The following DCAF4 variants were observed in gnomAD, a reference collection of about 807,000 sequenced individuals.
DCAF4 encodes the protein DDB1- and CUL4-associated factor 4.
A neutral mutation model predicts 60.9 loss-of-function variants in DCAF4; 37 were observed. The observed-to-expected ratio is 0.61, with a 90% CI of 0.47 to 0.80. DCAF4 has a LOEUF of 0.80. DCAF4 is among the 30% of genes least tolerant of loss of function. The pLI is 0.00. For missense variants in DCAF4, 577 were observed against 650.0 expected, an observed-to-expected ratio of 0.89 and a Z score of 1.22; for synonymous variants, 243 against 254.8, an observed-to-expected ratio of 0.95 and a Z score of 0.44.
chr14:72,961,809 G>A, downstream of DCAF4: 1 of 1,031,356 alleles, frequency 9.7e-7, no homozygotes, highest in Non-Finnish European at 1.2e-6. Flanking sequence ...GCCAAGAGGT[G>A]GACTGGAAGC....
chr14:72,947,335 A>AT (rs1378716659), intron 8 of DCAF4, 144 bp downstream of exon 8: 1 of 964,954 alleles, frequency 1.0e-6, no homozygotes, highest in African/African-American at 1.6e-5. Context: ...TAGAAAAAAA[A>AT]GCAGCGTACC....
chr14:72,927,695 C>G (rs1366109783), intron 1 of DCAF4, among the ~76,000 whole-genome samples: 1 of 152,032 alleles, frequency 6.6e-6, no homozygotes, highest in African/African-American at 2.4e-5. Context: ...GTCCTACCAA[C>G]AGAGGTGGAA....
At chr14:72,943,278 G>T (rs1890292245) in intron 6 of DCAF4, among the ~76,000 whole-genome samples, 182 bp downstream of exon 6, 1 of 152,222 alleles carries the variant, frequency 6.6e-6, no homozygotes, top group African/African-American at 2.4e-5. Context: ...ACGCTGAGCT[G>T]GCAGGCAGGC....
Position 72,955,517 on chromosome 14 carries a change from C to A in DCAF4, c.1006-6C>A. 6.2e-7 allele frequency: 1 copy of A among 1,612,790 alleles called. No individual in the cohort carries two copies. The highest frequency in any genetic ancestry group is 1.3e-5 in the African/African-American group (1 of 75,054). On this transcript the variant is annotated splice_region_variant and splice_polypyrimidine_tract_variant and intron_variant, in intron 11 of 13. Transcript: ENST00000358377. ...GCCAGGCACTGAGCAGTCCCTCTTT[C>A]CACAGGCTCCTCTGCTGTTTAATGG...
intron 1 of DCAF4, among the ~76,000 whole-genome samples, chr14:72,936,671 A>G (rs756310145): frequency 5.3e-5 from 8 of 152,140 alleles, no homozygotes; most frequent in Non-Finnish European, 1.0e-4. Context: ...GTTAGAGAGA[A>G]ATCATGAACT....
chr14:72,928,090 C>T (rs1056890315), intron 1 of DCAF4, among the ~76,000 whole-genome samples: 3 of 151,360 alleles, frequency 2.0e-5, no homozygotes, highest in Non-Finnish European at 4.4e-5. Flanking sequence ...CGTGAGCCAC[C>T]GCCCTGGCCT....
rs985014637 is a variant in DCAF4 at position 72,959,558 on chromosome 14, T to C, written c.*753T>C. On this transcript the variant is annotated 3_prime_UTR_variant, in exon 14 of 14. Transcript: ENST00000358377. The stretch of plus-strand genomic sequence containing the variant: ...GCGTCAAAGGAAATTGGTTTTGACT[T>C]TTTGTAATCTAGGAGCGACAGTTCG... 1 of 985,528 alleles carries C rather than the reference T, an allele frequency of 1.0e-6. No homozygotes were observed. The highest frequency in any genetic ancestry group is 1.7e-5 in the African/African-American group (1 of 57,366). 61.0% of individuals were successfully genotyped at this position (985,528 alleles called of 1,614,324 possible). A position where few individuals can be genotyped will look rare whatever the true frequency, so the allele number is the denominator to read the frequency against.
Position 72,937,413 on chromosome 14 carries a change from T to TC in DCAF4, c.-8-558_-8-557insC, listed in dbSNP as rs1400593641. 6.6e-3 allele frequency among the ~76,000 whole-genome samples: 938 copies of TC among 142,266 alleles called. 7 individuals are homozygous for TC. The highest frequency in any genetic ancestry group is 0.011 in the Non-Finnish European group (716 of 64,932). The allele number at this position is 142,266 out of a possible 152,430, so 93.3% of individuals were successfully genotyped here. A position where few individuals can be genotyped will look rare whatever the true frequency, so the allele number is the denominator to read the frequency against. On this transcript the variant is annotated intron_variant, in intron 1 of 13. Coordinates refer to ENST00000358377, the MANE Select transcript of DCAF4 (RefSeq NM_015604.4). ...CATGCCTGGCAATTTTTCTTTTCTTTTTTTTTTTTTTTTTTTTGAGATGGT... is the reference window on the plus strand; with the variant it reads ...CATGCCTGGCAATTTTTCTTTTCTTTCTTTTTTTTTTTTTTTTTGAGATGGT...
At position 72,959,589 on chromosome 14, in the gene DCAF4, T is replaced by A; in HGVS notation, c.*784T>A. ...AATCTAGGAGCGACAGTTCGTGAGA[T>A]GTTTATTCAGTGTTAAAGAGCCTGT... On this transcript the variant is annotated 3_prime_UTR_variant, in exon 14 of 14. Transcript: ENST00000358377. The A allele has an allele frequency of 1.0e-6, 1 of 985,472 alleles. No homozygotes were observed. The highest frequency in any genetic ancestry group is 1.2e-6 in the Non-Finnish European group (1 of 829,934). The allele number at this position is 985,472 out of a possible 1,614,324, so 61.0% of individuals were successfully genotyped here. A position where few individuals can be genotyped will look rare whatever the true frequency, so the allele number is the denominator to read the frequency against.
intron 1 of DCAF4, among the ~76,000 whole-genome samples, chr14:72,936,125 C>CCCTT (rs1313712782): frequency 6.6e-6 from 1 of 152,154 alleles, no homozygotes; most frequent in African/African-American, 2.4e-5. Context: ...ACACGTGCTT[C>CCCTT]CCTTCCTGTG....
chr14:72,956,357 CCT>C (rs769785709), intron 12 of DCAF4, 27 bp from the exon 13 acceptor site: 87 of 1,557,764 alleles, frequency 5.6e-5, no homozygotes, highest in Non-Finnish European at 7.6e-5. Flanking sequence ...CTGGCCCCTC[CCT>C]GATGGCCCCT....
At chr14:72,945,080 C>T (rs1392425654) in intron 6 of DCAF4, among the ~76,000 whole-genome samples, 1 of 151,062 alleles carries the variant, frequency 6.6e-6, no homozygotes, top group Non-Finnish European at 1.5e-5. Flanking sequence ...CAGAGTAAGA[C>T]TCCCTCTCAA....
intron 1 of DCAF4, chr14:72,929,737 T>C: frequency 2.7e-6 from 3 of 1,127,256 alleles, no homozygotes; most frequent in Non-Finnish European, 4.1e-6. Context: ...CATTTCTCCT[T>C]GAAGACCTTC....
In DCAF4 at chr14:72,927,453, G is replaced by A. The variant is rs181483219; in HGVS notation, c.-9+910G>A. 4.1e-3 allele frequency among the ~76,000 whole-genome samples: 600 copies of A among 146,568 alleles called. 3 individuals are homozygous for A. Among genetic ancestry groups the A allele is most frequent in the African/African-American group, 0.014 (570 of 39,450 alleles). On this transcript the variant is annotated intron_variant, in intron 1 of 13. Coordinates refer to ENST00000358377, the MANE Select transcript of DCAF4 (RefSeq NM_015604.4). ...TGCAGCCTCCGCCCCCGGGGTTCAC[G>A]CCATTCTCCTGCCTCAGCTTCCCGC... is the stretch of plus-strand genomic sequence containing the variant.
At chr14:72,944,808 G>A (rs973695037) in intron 6 of DCAF4, among the ~76,000 whole-genome samples, 1 of 151,580 alleles carries the variant, frequency 6.6e-6, no homozygotes, top group African/African-American at 2.4e-5. Context: ...AAAAAATAGG[G>A]CCAGGTGTGG....
At chr14:72,929,920 C>G (rs1888311969) in intron 1 of DCAF4, 2 of 1,225,432 alleles carry the variant, frequency 1.6e-6, no homozygotes, top group Non-Finnish European at 1.2e-6. Flanking sequence ...CATAAGGTAG[C>G]GCAGAGCCAT....
chr14:72,946,878 T>G (rs1245228461), intron 7 of DCAF4, among the ~76,000 whole-genome samples: 1 of 152,168 alleles, frequency 6.6e-6, no homozygotes, highest in Non-Finnish European at 1.5e-5. Context: ...TCGGCTTATC[T>G]CCTGCCATTG....
intron 3 of DCAF4, 86 bp downstream of exon 3, chr14:72,939,988 G>A: frequency 2.9e-6 from 4 of 1,374,874 alleles, no homozygotes; most frequent in Non-Finnish European, 4.0e-6. Flanking sequence ...AATTCCAGGA[G>A]CAAATTGAAA....
intron 6 of DCAF4, among the ~76,000 whole-genome samples, chr14:72,945,174 C>T (rs1286076618): frequency 6.6e-6 from 1 of 152,136 alleles, no homozygotes; most frequent in African/African-American, 2.4e-5. Context: ...AGAAGGATCA[C>T]TTGAGGCCAG....
Sources: gnomAD v4.1 joint callset for allele counts (sites outside exome capture counted in the v4.1 genomes callset) on GRCh38, gnomAD v4.1.1 for gene constraint, MANE v1.5 for transcripts, NCBI Gene and HGNC (gene_info 2026-07-23, HGNC 2026-07-21) for gene names.